The following RPS6KA5 variants were observed in gnomAD, a reference collection of about 807,000 sequenced individuals.
RPS6KA5 encodes the protein ribosomal protein S6 kinase alpha-5.
RPS6KA5 carries 27 observed loss-of-function variants against 85.5 expected under a neutral mutation model. The ratio of observed to expected loss-of-function variants is 0.32; its 90% CI spans 0.23 to 0.44. RPS6KA5 has a LOEUF of 0.44. RPS6KA5 is among the 20% of genes least tolerant of loss of function. The pLI is 1.00. For synonymous variants in RPS6KA5, 334 were observed against 348.2 expected, an observed-to-expected ratio of 0.96 and a Z score of 0.46; for missense variants, 811 against 980.9, an observed-to-expected ratio of 0.83 and a Z score of 2.31.
At chr14:91,052,285 T>TAAGAA in intron 1 of RPS6KA5, 1 of 210,396 alleles carries the variant, frequency 4.8e-6, no homozygotes. Context: ...CCATCTCTAC[T>TAAGAA]AAAAAAAAAA....
rs1178108548 is a variant in RPS6KA5, at chr14:90,894,436, C to G, written c.1621G>C (p.Val541Leu). ...ACCTCAGGTTTCAGATCCCTGTGCA[C>G]CACTCCAACATCATGCATGTGGCTT... ...AVSHMHDVGV[V>L]HRDLKPENLL... Residue 541 changes from valine (V) to leucine (L), a missense_variant, in exon 13 of 17, where the codon GTG (valine) becomes CTG (leucine). By Grantham distance (32) the Val-to-Leu change is conservative. Transcript: ENST00000614987. 1 of 1,614,064 alleles carries G rather than the reference C, an allele frequency of 6.2e-7. No homozygotes were observed. The highest frequency in any genetic ancestry group is 1.7e-5 in the Admixed American group (1 of 60,020).
intron 3 of RPS6KA5, among the ~76,000 whole-genome samples, chr14:90,967,643 G>T (rs2039134459): frequency 1.3e-5 from 2 of 152,066 alleles, no homozygotes; most frequent in Non-Finnish European, 2.9e-5. Flanking sequence ...TTATATAACT[G>T]ATATTTCAGT....
intron 1 of RPS6KA5, among the ~76,000 whole-genome samples, chr14:91,041,929 TAACA>T (rs1316504695): frequency 2.0e-5 from 3 of 152,226 alleles, no homozygotes; most frequent in African/African-American, 7.2e-5. Context: ...TATAAAGCAG[TAACA>T]AACAGGCTTT....
At chr14:90,916,742 A>C (rs1216814994) in intron 7 of RPS6KA5, among the ~76,000 whole-genome samples, 1 of 152,174 alleles carries the variant, frequency 6.6e-6, no homozygotes, top group Non-Finnish European at 1.5e-5. Context: ...CAAAGTGGAT[A>C]ATTAATTGAT....
chr14:90,910,465 T>G (rs2035742727), intron 7 of RPS6KA5, among the ~76,000 whole-genome samples: 2 of 152,032 alleles, frequency 1.3e-5, no homozygotes, highest in Non-Finnish European at 2.9e-5. Context: ...TGGTAGAATT[T>G]AGGTAGTGAG....
At chr14:91,053,721 T>C (rs528934386) in intron 1 of RPS6KA5, among the ~76,000 whole-genome samples, 8 of 152,284 alleles carry the variant, frequency 5.3e-5, no homozygotes, top group Admixed American at 2.6e-4. Flanking sequence ...TGGAAAGACA[T>C]CTCATGTTCA....
At chr14:90,893,194 G>A (rs2034653502) in intron 13 of RPS6KA5, among the ~76,000 whole-genome samples, 1 of 152,176 alleles carries the variant, frequency 6.6e-6, no homozygotes, top group African/African-American at 2.4e-5. Flanking sequence ...TAAGTGGTGT[G>A]CTTTCACATT....
intron 2 of RPS6KA5, among the ~76,000 whole-genome samples, chr14:90,980,426 C>T (rs1290206670): frequency 6.6e-6 from 1 of 152,208 alleles, no homozygotes; most frequent in African/African-American, 2.4e-5. Flanking sequence ...GATCACCAAA[C>T]ATGGCTGTTC....
chr14:91,014,075 C>T (rs2041376680), intron 1 of RPS6KA5, among the ~76,000 whole-genome samples: 1 of 152,156 alleles, frequency 6.6e-6, no homozygotes, highest in South Asian at 2.1e-4. Flanking sequence ...AAATGTTGTG[C>T]ATGAACTGTT....
intron 3 of RPS6KA5, among the ~76,000 whole-genome samples, chr14:90,956,985 T>TCC (rs1197045386): frequency 8.3e-5 from 9 of 108,494 alleles, no homozygotes; most frequent in East Asian, 5.2e-4. Context: ...TTTTTTTTTT[T>TCC]CCCAGTGAAT....
intron 2 of RPS6KA5, among the ~76,000 whole-genome samples, chr14:90,981,075 G>A (rs756743437): frequency 3.3e-5 from 5 of 152,232 alleles, no homozygotes; most frequent in Non-Finnish European, 5.9e-5. Context: ...GGAGGCTGAG[G>A]CAGGAGAATT....
At chr14:90,962,337 T>C (rs939131634) in intron 3 of RPS6KA5, among the ~76,000 whole-genome samples, 3 of 151,706 alleles carry the variant, frequency 2.0e-5, no homozygotes, top group Non-Finnish European at 4.4e-5. Context: ...AGAGTCTCAC[T>C]CTCTTGCCCA....
intron 1 of RPS6KA5, among the ~76,000 whole-genome samples, chr14:91,017,182 C>T (rs2041539587): frequency 6.6e-6 from 1 of 152,150 alleles, no homozygotes; most frequent in Non-Finnish European, 1.5e-5. Flanking sequence ...TACTAGGTCT[C>T]GATATATGGC....
Position 90,929,983 on chromosome 14 carries a change from GC to G in RPS6KA5, c.619-6788del, listed in dbSNP as rs1317672497. Among the ~76,000 whole-genome samples, 5 of 152,176 alleles carry G rather than the reference GC, an allele frequency of 3.3e-5. No homozygotes were observed. In the East Asian group the frequency reaches 9.6e-4, roughly 29 times the overall value. ...ATTCCTGGGTTCAAGTGAACCTTCT[GC>G]CTCAGCTTCCCGAGCAGCTGGGACT... On this transcript the variant is annotated intron_variant, in intron 5 of 16. Coordinates refer to ENST00000614987, the MANE Select transcript of RPS6KA5 (RefSeq NM_004755.4).
chr14:90,984,205 T>C (rs963490156), intron 2 of RPS6KA5, among the ~76,000 whole-genome samples: 1 of 152,186 alleles, frequency 6.6e-6, no homozygotes, highest in Non-Finnish European at 1.5e-5. Context: ...TGACTGAACT[T>C]GAGGTAGAGG....
At chr14:91,042,863 T>C (rs2042658295) in intron 1 of RPS6KA5, among the ~76,000 whole-genome samples, 1 of 152,176 alleles carries the variant, frequency 6.6e-6, no homozygotes, top group South Asian at 2.1e-4. Flanking sequence ...AGCCTAGTAA[T>C]ACTTAAGCAC....
intron 7 of RPS6KA5, among the ~76,000 whole-genome samples, chr14:90,914,916 T>C (rs1428579389): frequency 6.6e-6 from 1 of 152,180 alleles, no homozygotes; most frequent in Non-Finnish European, 1.5e-5. Flanking sequence ...AAAAAGTTTT[T>C]GGTTAACTAG....
In RPS6KA5 at chr14:90,850,129, A is replaced by G. The variant is rs1321548931; in HGVS notation, c.*21945T>C. The G allele has an allele frequency of 6.6e-6, 1 of 152,184 alleles. No individual in the cohort carries two copies. Among genetic ancestry groups the G allele is most frequent in the Admixed American group, 6.5e-5 (1 of 15,276 alleles). 9.4% of individuals were successfully genotyped at this position (152,184 alleles called of 1,614,324 possible). Reference sequence around the variant, plus strand: ...GGGAAGGGATCTGTGGGCTTTCTACAAGGGAGCAAACAACCTCAATTCTTT... The same window carrying G: ...GGGAAGGGATCTGTGGGCTTTCTACGAGGGAGCAAACAACCTCAATTCTTT... On this transcript the variant is annotated 3_prime_UTR_variant, in exon 17 of 17. Transcript: ENST00000614987.
intron 2 of RPS6KA5, among the ~76,000 whole-genome samples, chr14:90,994,867 C>A (rs373898608): frequency 6.6e-6 from 1 of 151,764 alleles, no homozygotes; most frequent in Admixed American, 6.6e-5. Context: ...CCACCGCACA[C>A]GGCTGGTGTT....
Sources: allele counts gnomAD v4.1 joint callset (sites outside exome capture counted in the v4.1 genomes callset), GRCh38; gene constraint gnomAD v4.1.1; transcripts MANE v1.5; gene names NCBI Gene and HGNC (gene_info 2026-07-23, HGNC 2026-07-21).